FBXO28: variants seen among roughly 807,000 people sequenced by gnomAD.
FBXO28 encodes the protein F-box protein 28.
A neutral mutation model predicts 38.1 loss-of-function variants in FBXO28; 8 were observed. The ratio of observed to expected loss-of-function variants is 0.21; its 90% CI spans 0.12 to 0.38. FBXO28 has a LOEUF of 0.38. Ranked by LOEUF, FBXO28 falls within the 10% of genes least tolerant of loss-of-function variation. The pLI is 1.00. For missense variants in FBXO28, 345 were observed against 460.6 expected (o/e 0.75, Z 2.30); for synonymous variants, 168 against 173.8 (o/e 0.97, Z 0.26).
chr1:224,157,110 C>T (rs185494104), intron 4 of FBXO28, among the ~76,000 whole-genome samples: 2 of 152,188 alleles, frequency 1.3e-5, no homozygotes, highest in African/African-American at 4.8e-5. Flanking sequence ...ATTAAATGCC[C>T]TTCTCCGTTT....
chr1:224,144,101 C>A (rs909313719), intron 3 of FBXO28, among the ~76,000 whole-genome samples: 1 of 147,922 alleles, frequency 6.8e-6, no homozygotes, highest in South Asian at 2.1e-4. Context: ...TTGCAGTGAG[C>A]TGAGGTTGCG....
chr1:224,158,199 T>A lies in FBXO28; in HGVS notation c.*453T>A. 2 of 987,474 alleles carry A rather than the reference T, an allele frequency of 2.0e-6. No homozygotes were observed. Among genetic ancestry groups the A allele is most frequent in the Non-Finnish European group, 2.4e-6 (2 of 831,182 alleles). The allele number at this position is 987,474 out of a possible 1,614,324, so 61.2% of individuals were successfully genotyped here. ...TTTTTTTTAAGTCATCTTTTTGTTA[T>A]AAGTGACCTTTGTCTGGAATGTCTG... On this transcript the variant is annotated 3_prime_UTR_variant, in exon 5 of 5. Coordinates refer to ENST00000366862, the MANE Select transcript of FBXO28 (RefSeq NM_015176.4).
intron 3 of FBXO28, among the ~76,000 whole-genome samples, chr1:224,140,578 C>G (rs935051857): frequency 5.9e-5 from 9 of 152,108 alleles, no homozygotes; most frequent in Non-Finnish European, 1.2e-4. Context: ...TCTCCTTTTA[C>G]TATGCTTGTC....
intron 1 of FBXO28, among the ~76,000 whole-genome samples, chr1:224,128,249 T>C (rs1451807115): frequency 6.6e-6 from 1 of 151,352 alleles, no homozygotes; most frequent in Non-Finnish European, 1.5e-5. Context: ...ATTATTATTT[T>C]TTTTTATTTT....
intron 1 of FBXO28, among the ~76,000 whole-genome samples, chr1:224,125,665 G>C (rs1220991423): frequency 6.9e-6 from 1 of 145,672 alleles, no homozygotes; most frequent in South Asian, 2.2e-4. Flanking sequence ...TTTCTGACAC[G>C]GAGTCTCGTT....
chr1:224,140,291 T>TTCA (rs1305079388), intron 3 of FBXO28, among the ~76,000 whole-genome samples: 3 of 152,156 alleles, frequency 2.0e-5, no homozygotes, highest in African/African-American at 7.2e-5. Flanking sequence ...ATATTCAAGT[T>TTCA]TCATCACATA....
At chr1:224,151,966 C>G (rs568388815) in intron 3 of FBXO28, among the ~76,000 whole-genome samples, 12 of 151,930 alleles carry the variant, frequency 7.9e-5, no homozygotes, top group African/African-American at 2.9e-4. Flanking sequence ...CACTTGAACC[C>G]TGCGGTTGGA....
intron 1 of FBXO28, among the ~76,000 whole-genome samples, chr1:224,125,042 C>T (rs1656872396): frequency 6.6e-6 from 1 of 152,120 alleles, no homozygotes; most frequent in Non-Finnish European, 1.5e-5. Flanking sequence ...AACATTTGAA[C>T]ATACAGGAAA....
At chr1:224,121,208 A>C (rs1227630638) in intron 1 of FBXO28, among the ~76,000 whole-genome samples, 1 of 152,204 alleles carries the variant, frequency 6.6e-6, no homozygotes, top group African/African-American at 2.4e-5. Flanking sequence ...TATTAATGAG[A>C]AAAATAATGG....
intron 3 of FBXO28, among the ~76,000 whole-genome samples, chr1:224,142,616 G>C (rs113188259): frequency 1.3e-5 from 2 of 152,056 alleles, no homozygotes; most frequent in African/African-American, 4.8e-5. Context: ...AGGAGTTCAA[G>C]ACCAGCCTGG....
intron 1 of FBXO28, among the ~76,000 whole-genome samples, chr1:224,117,165 A>ATT (rs71168310): frequency 0.23 from 27,987 of 122,082 alleles, 4,491 homozygotes; most frequent in African/African-American, 0.3. Context: ...AATAAATTGG[A>ATT]TTTTTTTTTT....
At chr1:224,147,295 C>T (rs943715298) in intron 3 of FBXO28, among the ~76,000 whole-genome samples, 38 of 151,142 alleles carry the variant, frequency 2.5e-4, no homozygotes, top group African/African-American at 6.6e-4. Context: ...TGGTGGCAAG[C>T]GCCTGTAGTC....
chr1:224,153,453 A>G lies in FBXO28; in HGVS notation c.712+116A>G. 3 of 673,768 alleles carry G rather than the reference A, an allele frequency of 4.5e-6. No individual in the cohort carries two copies. In the Admixed American group the frequency reaches 9.1e-5, roughly 21 times the overall value. 41.7% of individuals were successfully genotyped at this position (673,768 alleles called of 1,614,324 possible). Reference sequence around the variant, plus strand: ...TTAGTAGTTGTTTATTGGCAGCATCATTTTTAATGAGATTGGATTATCAAC... The same window carrying G: ...TTAGTAGTTGTTTATTGGCAGCATCGTTTTTAATGAGATTGGATTATCAAC... On this transcript the variant is annotated intron_variant, in intron 4 of 4. Transcript: ENST00000366862.
intron 1 of FBXO28, among the ~76,000 whole-genome samples, chr1:224,124,398 A>G (rs2102612512): frequency 6.6e-6 from 1 of 152,280 alleles, no homozygotes; most frequent in Middle Eastern, 3.4e-3. Flanking sequence ...GTGCCCTGAT[A>G]GTTTTTGACA....
At chr1:224,145,787 G>A (rs1017557516) in intron 3 of FBXO28, among the ~76,000 whole-genome samples, 1 of 152,094 alleles carries the variant, frequency 6.6e-6, no homozygotes, top group Admixed American at 6.6e-5. Flanking sequence ...TCCGGGCATG[G>A]GCCAGGCGCA....
chr1:224,136,567 CAAAAAA>C (rs112359233), intron 3 of FBXO28, among the ~76,000 whole-genome samples: 11 of 139,786 alleles, frequency 7.9e-5, no homozygotes, highest in African/African-American at 2.4e-4. Context: ...ACTAAAAATA[CAAAAAA>C]AAAAACTAGC....
intron 3 of FBXO28, among the ~76,000 whole-genome samples, chr1:224,147,833 A>T (rs1320439897): frequency 6.6e-6 from 1 of 151,228 alleles, no homozygotes; most frequent in African/African-American, 2.4e-5. Context: ...TTGCAAAAAA[A>T]AAAAAAAAAA....
At position 224,127,155 on chromosome 1, in the gene FBXO28, G is replaced by A. The variant is rs184553190; in HGVS notation, c.268-3317G>A. 4.4e-3 allele frequency among the ~76,000 whole-genome samples: 628 copies of A among 142,108 alleles called. 1 individual carries two copies. Among genetic ancestry groups the A allele is most frequent in the Non-Finnish European group, 7.2e-3 (472 of 65,980 alleles). The allele number at this position is 142,108 out of a possible 152,430, so 93.2% of individuals were successfully genotyped here. ...GATCCTGTCACAGGGTCCATAAGAT[G>A]TAAAGTATTTGTGTGTGTGTGTGTG... is the stretch of plus-strand genomic sequence containing the variant. On this transcript the variant is annotated intron_variant, in intron 1 of 4. Coordinates refer to ENST00000366862, the MANE Select transcript of FBXO28 (RefSeq NM_015176.4).
At position 224,122,075 on chromosome 1, in the gene FBXO28, A is replaced by G. The variant is rs376303018; in HGVS notation, c.267+7679A>G. 1.4e-4 allele frequency among the ~76,000 whole-genome samples: 22 copies of G among 152,266 alleles called. No homozygotes were observed. The East Asian group carries it at 4.1e-3, about 28-fold the overall frequency. The stretch of plus-strand genomic sequence containing the variant: ...AGGCGTGAGCCACTGCCTGGCCCCA[A>G]ATAGAATTTTTTTTAAAGATTAAAG... On this transcript the variant is annotated intron_variant, in intron 1 of 4. Transcript: ENST00000366862.
Sources: allele counts gnomAD v4.1 joint callset (sites outside exome capture counted in the v4.1 genomes callset), GRCh38; gene constraint gnomAD v4.1.1; transcripts MANE v1.5; gene names NCBI Gene and HGNC (gene_info 2026-07-23, HGNC 2026-07-21).